Variants in SEPTIN2 observed in about 807,000 individuals in gnomAD.
The protein encoded by SEPTIN2 is septin-2.
In SEPTIN2, 34 loss-of-function variants were observed where a neutral mutation model predicts 46.5. The observed-to-expected ratio is 0.73, with a 90% CI of 0.56 to 0.97. SEPTIN2 has a LOEUF of 0.97. Ranked by LOEUF, SEPTIN2 falls within the 50% of genes least tolerant of loss-of-function variation. The probability of loss-of-function intolerance (pLI) is 0.00; values close to 1 mark genes in which losing one functional copy is unlikely to be tolerated. For missense variants in SEPTIN2, 347 were observed against 448.4 expected, an observed-to-expected ratio of 0.77 and a Z score of 2.04; for synonymous variants, 175 against 153.4, an observed-to-expected ratio of 1.14 and a Z score of -1.04.
intron 8 of SEPTIN2, 122 bp from the exon 9 acceptor site, chr2:241,343,630 G>A (rs915343134): frequency 3.7e-6 from 4 of 1,070,396 alleles, no homozygotes; most frequent in Admixed American, 2.3e-5. Flanking sequence ...CATACCCCCA[G>A]CTTTCCAATT....
At position 241,345,345 on chromosome 2, in the gene SEPTIN2, T is replaced by C. The variant is rs570292851; in HGVS notation, c.843-821T>C. On this transcript the variant is annotated intron_variant, in intron 9 of 12. Coordinates refer to ENST00000391971, the MANE Select transcript of SEPTIN2 (RefSeq NM_004404.5). ...ACAATTTAATGGTTGTGTAAGAAGT[T>C]AAGCGCACTCAGCCCCTCCAGGGCT... Among the ~76,000 whole-genome samples, 7 of 152,338 alleles carry C rather than the reference T, an allele frequency of 4.6e-5. No individual in the cohort carries two copies. The South Asian group carries it at 1.5e-3, about 32-fold the overall frequency.
Position 241,318,702 on chromosome 2 carries a change from C to CTT in SEPTIN2, c.-18+2736_-18+2737dup, listed in dbSNP as rs1284874061. On this transcript the variant is annotated intron_variant, in intron 1 of 12. Transcript: ENST00000391971. ...TTTTTAACCAGAGTATTTGTATTTT[C>CTT]TTTTTTTTTTTTTTTTTGAGACAAA... Among the ~76,000 whole-genome samples, 276 of 132,398 alleles carry CTT rather than the reference C, an allele frequency of 2.1e-3. 6 individuals carry two copies. Among genetic ancestry groups the CTT allele is most frequent in the Admixed American group, 7.8e-3 (103 of 13,178 alleles). The allele number at this position is 132,398 out of a possible 152,430, so 86.9% of individuals were successfully genotyped here.
intron 4 of SEPTIN2, 190 bp from the exon 5 acceptor site, chr2:241,335,785 C>A: frequency 1.5e-6 from 1 of 652,688 alleles, no homozygotes; most frequent in Non-Finnish European, 2.7e-6. Context: ...TCCCCAGTAG[C>A]ACAATAATCT....
At chr2:241,323,385 G>A (rs2077436909) in intron 1 of SEPTIN2, among the ~76,000 whole-genome samples, 2 of 151,858 alleles carry the variant, frequency 1.3e-5, no homozygotes, top group African/African-American at 4.8e-5. Context: ...GGCCAGGCTG[G>A]TCTTGAACTC....
Position 241,336,048 on chromosome 2 carries a change from G to A in SEPTIN2, c.291G>A (p.Leu97=). The A allele has an allele frequency of 6.2e-7, 1 of 1,614,202 alleles. No homozygotes were observed. The highest frequency in any genetic ancestry group is 1.1e-5 in the South Asian group (1 of 91,080). The change falls in exon 5 of 13, where the codon CTG becomes CTA. Residue 97 remains leucine (L), a synonymous_variant. Transcript: ENST00000391971. ...AAGAGCGAGGGGTCAAGCTACGCCT[G>A]ACAGTGGTAGATACCCCTGGCTATG... is the stretch of plus-strand genomic sequence containing the variant. ...EIEERGVKLR[L]TVVDTPGYGD...
intron 1 of SEPTIN2, chr2:241,316,486 G>A (rs1325835311): frequency 3.3e-6 from 5 of 1,508,410 alleles, no homozygotes; most frequent in Admixed American, 2.1e-5. Context: ...GATAAGCGAG[G>A]GGAGAGCGAC....
chr2:241,315,405 A>C (rs2076027862), upstream of SEPTIN2: 1 of 151,882 alleles, frequency 6.6e-6, no homozygotes, highest in South Asian at 2.1e-4. Flanking sequence ...CTTGGAGGAC[A>C]GGAGGAGAGG....
At chr2:241,340,186 T>G (rs1439871245) in intron 7 of SEPTIN2, among the ~76,000 whole-genome samples, 1 of 152,220 alleles carries the variant, frequency 6.6e-6, no homozygotes, top group Non-Finnish European at 1.5e-5. Flanking sequence ...GTTTTTGTAA[T>G]GTGTTTCCTG....
chr2:241,347,796 G>A (rs1277782685), intron 10 of SEPTIN2, among the ~76,000 whole-genome samples: 2 of 152,112 alleles, frequency 1.3e-5, no homozygotes, highest in African/African-American at 4.8e-5. Flanking sequence ...CAAGGTGGGC[G>A]GATCACTTGA....
chr2:241,335,878 A>C, intron 4 of SEPTIN2, 97 bp from the exon 5 acceptor site: 13 of 1,491,098 alleles, frequency 8.7e-6, no homozygotes, highest in Non-Finnish European at 1.2e-5. Flanking sequence ...CTACCTCTGT[A>C]GAGAGGCAGT....
chr2:241,323,444 G>C (rs1399857797), intron 1 of SEPTIN2, among the ~76,000 whole-genome samples: 1 of 152,050 alleles, frequency 6.6e-6, no homozygotes, highest in African/African-American at 2.4e-5. Flanking sequence ...TTTTAGTAGA[G>C]ATGGGGTTTC....
chr2:241,337,368 T>G lies in SEPTIN2; in HGVS notation c.342-14T>G. 2 of 1,608,638 alleles carry G rather than the reference T, an allele frequency of 1.2e-6. No homozygotes were observed. The highest frequency in any genetic ancestry group is 1.7e-6 in the Non-Finnish European group (2 of 1,177,318). On this transcript the variant is annotated splice_polypyrimidine_tract_variant and intron_variant, in intron 5 of 12. Coordinates refer to ENST00000391971, the MANE Select transcript of SEPTIN2 (RefSeq NM_004404.5). Reference sequence around the variant, plus strand: ...ATACCCTATGATTATTGTTAATGTTTCTGTTTCTCTCAGTTTTAAGACAAT... The same window carrying G: ...ATACCCTATGATTATTGTTAATGTTGCTGTTTCTCTCAGTTTTAAGACAAT...
chr2:241,334,747 G>GT (rs1429154934), intron 3 of SEPTIN2, among the ~76,000 whole-genome samples: 1 of 152,214 alleles, frequency 6.6e-6, no homozygotes, highest in Non-Finnish European at 1.5e-5. Flanking sequence ...AATGTGGTGA[G>GT]TTTAGTGACT....
Position 241,342,000 on chromosome 2 carries a change from C to A in SEPTIN2, c.595-992C>A, listed in dbSNP as rs184511789. Among the ~76,000 whole-genome samples the A allele has an allele frequency of 1.5e-4, 23 of 152,292 alleles. No homozygotes were observed. The East Asian group carries it at 4.4e-3, about 29-fold the overall frequency. On this transcript the variant is annotated intron_variant, in intron 7 of 12. Coordinates refer to ENST00000391971, the MANE Select transcript of SEPTIN2 (RefSeq NM_004404.5). ...CTTTCTCCCCTCAAGCCCCATCCCC[C>A]ACACTACTGCCTGCTTGATAGGTCC...
At chr2:241,316,487 G>A in intron 1 of SEPTIN2, 1 of 1,508,582 alleles carries the variant, frequency 6.6e-7, no homozygotes, top group Non-Finnish European at 8.8e-7. Context: ...ATAAGCGAGG[G>A]GAGAGCGACT....
chr2:241,347,211 G>A (rs1322915714), intron 10 of SEPTIN2, among the ~76,000 whole-genome samples: 5 of 152,072 alleles, frequency 3.3e-5, no homozygotes, highest in South Asian at 2.1e-4. Context: ...GCACCACCAC[G>A]CTCCAGACTG....
rs576142007 is a variant in SEPTIN2, at chr2:241,327,493, G to A, written c.130+1380G>A. Among the ~76,000 whole-genome samples the A allele has an allele frequency of 4.2e-5, 6 of 143,716 alleles. No individual in the cohort carries two copies. In the East Asian group the frequency reaches 6.0e-4, roughly 14 times the overall value. 94.3% of individuals were successfully genotyped at this position (143,716 alleles called of 152,430 possible). ...GTCTAATATATGGATTATATTCACAGAGAAGACAGGAAAGCAAAAAAAAAA... is the reference window on the plus strand; with the variant it reads ...GTCTAATATATGGATTATATTCACAAAGAAGACAGGAAAGCAAAAAAAAAA... On this transcript the variant is annotated intron_variant, in intron 3 of 12. Transcript: ENST00000391971.
At chr2:241,316,432 C>G (rs937116282) in intron 1 of SEPTIN2, 3 of 1,313,682 alleles carry the variant, frequency 2.3e-6, no homozygotes, top group African/African-American at 3.0e-5. Context: ...GCGTGGAGGA[C>G]TGGCCAGCCC....
intron 1 of SEPTIN2, among the ~76,000 whole-genome samples, chr2:241,322,700 C>T (rs552889815): frequency 6.6e-6 from 1 of 152,116 alleles, no homozygotes; most frequent in Admixed American, 6.5e-5. Flanking sequence ...GTACTATTTC[C>T]TTTCCTCATA....
Sources: allele counts gnomAD v4.1 joint callset (sites outside exome capture counted in the v4.1 genomes callset), GRCh38; gene constraint gnomAD v4.1.1; transcripts MANE v1.5; gene names NCBI Gene and HGNC (gene_info 2026-07-23, HGNC 2026-07-21).